Variants in CDH23 observed in about 807,000 individuals in gnomAD.
CDH23 encodes cadherin-23.
CDH23 carries 189 observed loss-of-function variants against 317.1 expected under a neutral mutation model. That is an observed-to-expected ratio of 0.60 (90% CI 0.53 to 0.67). CDH23 has a LOEUF of 0.67. CDH23 is among the 30% of genes least tolerant of loss of function. The pLI is 0.00. For missense variants in CDH23, 4,401 were observed against 4,592.4 expected, an observed-to-expected ratio of 0.96 and a Z score of 1.20; for synonymous variants, 1,839 against 1,876.8, an observed-to-expected ratio of 0.98 and a Z score of 0.52.
intron 1 of CDH23, among the ~76,000 whole-genome samples, chr10:71,407,423 G>A (rs146447038): frequency 1.3e-5 from 2 of 152,334 alleles, no homozygotes; most frequent in African/African-American, 4.8e-5. Context: ...GGCTGGCTGG[G>A]ATTTAAACAT....
chr10:71,656,430 G>C (rs1190947816), intron 14 of CDH23, among the ~76,000 whole-genome samples: 1 of 152,326 alleles, frequency 6.6e-6, no homozygotes, highest in Admixed American at 6.5e-5. Flanking sequence ...CTGGCACAAA[G>C]GGTGCCCTCC....
At chr10:71,425,320 G>A (rs1463331113) in intron 1 of CDH23, among the ~76,000 whole-genome samples, 1 of 128,230 alleles carries the variant, frequency 7.8e-6, no homozygotes, top group Non-Finnish European at 1.6e-5. Context: ...GGGAAGGAAA[G>A]GAAAGAAAGA....
At chr10:71,550,940 G>A (rs184400704) in intron 6 of CDH23, among the ~76,000 whole-genome samples, 85 of 152,272 alleles carry the variant, frequency 5.6e-4, no homozygotes, top group South Asian at 1.7e-3. Flanking sequence ...AGCCCCCACC[G>A]GCTGCCTCCC....
At chr10:71,675,586 T>G (rs1057483594) in intron 15 of CDH23, among the ~76,000 whole-genome samples, 5 of 152,228 alleles carry the variant, frequency 3.3e-5, no homozygotes, top group Admixed American at 3.3e-4. Flanking sequence ...ACAGAAGAAC[T>G]CAGTGCTAGG....
At chr10:71,683,897 G>A (rs1304518182) in intron 18 of CDH23, among the ~76,000 whole-genome samples, 4 of 152,118 alleles carry the variant, frequency 2.6e-5, no homozygotes, top group East Asian at 1.9e-4. Context: ...CCTGACCAAC[G>A]TGGTGAAACT....
chr10:71,782,824 A>G (rs1290933079), intron 41 of CDH23, among the ~76,000 whole-genome samples: 2 of 152,112 alleles, frequency 1.3e-5, no homozygotes, highest in Non-Finnish European at 2.9e-5. Flanking sequence ...AGCAGCTTCC[A>G]CCCCCCAGGC....
intron 6 of CDH23, among the ~76,000 whole-genome samples, chr10:71,556,190 T>A (rs1015405517): frequency 3.9e-5 from 6 of 152,248 alleles, no homozygotes; most frequent in Admixed American, 3.9e-4. Flanking sequence ...ATCATGATGG[T>A]CAAGGCTTGG....
intron 11 of CDH23, among the ~76,000 whole-genome samples, chr10:71,637,886 C>A (rs2132570661): frequency 6.7e-6 from 1 of 149,056 alleles, no homozygotes; most frequent in East Asian, 2.0e-4. Flanking sequence ...TGCTGTGGCT[C>A]CTGAGGCCAC....
intron 11 of CDH23, among the ~76,000 whole-genome samples, chr10:71,636,834 G>A (rs910515149): frequency 2.6e-5 from 4 of 152,192 alleles, no homozygotes; most frequent in South Asian, 2.1e-4. Flanking sequence ...CATGAGTGGC[G>A]GGGCAGGCCT....
intron 6 of CDH23, among the ~76,000 whole-genome samples, chr10:71,525,680 T>C (rs1019582843): frequency 1.3e-5 from 2 of 152,036 alleles, no homozygotes; most frequent in African/African-American, 4.8e-5. Flanking sequence ...GGGGTGCTGG[T>C]GGTGCTACAT....
chr10:71,770,236 T>G (rs1217769036), intron 38 of CDH23, among the ~76,000 whole-genome samples: 1 of 152,188 alleles, frequency 6.6e-6, no homozygotes, highest in East Asian at 1.9e-4. Context: ...AGGAGCCGGG[T>G]GCTGTGTTAA....
Position 71,801,871 on chromosome 10 carries a change from G to A in CDH23, c.7483-1027G>A, listed in dbSNP as rs985644223. Among the ~76,000 whole-genome samples, 6 of 152,344 alleles carry A rather than the reference G, an allele frequency of 3.9e-5. No homozygotes were observed. In the South Asian group the frequency reaches 1.2e-3, roughly 32 times the overall value. On this transcript the variant is annotated intron_variant, in intron 53 of 69. Coordinates refer to ENST00000224721, the MANE Select transcript of CDH23 (RefSeq NM_022124.6). ...CAGCATTTGGGGCCAGAAGACTCAA[G>A]TTCCATGAGCTGAGCACACTGCCTT...
rs756231829 is a variant in CDH23, at chr10:71,738,537, C to T, written c.4249C>T (p.Arg1417Trp). 5.1e-5 allele frequency: 82 copies of T among 1,613,976 alleles called. 1 individual carries two copies. The East Asian group carries it at 1.1e-3, about 22-fold the overall frequency. ...GCTGGACGAGAATGACAACAGCCCC[C>T]GGTTTGACTTCACCTCCGACTCGGC... ...TVLDENDNSP[R>W]FDFTSDSAVS... Residue 1417 changes from arginine (R) to tryptophan (W), a missense_variant, in exon 35 of 70, where the codon CGG (arginine) becomes TGG (tryptophan). Physicochemically the swap from Arg to Trp is moderately radical, Grantham distance 101 (BLOSUM62 -3). Coordinates refer to ENST00000224721, the MANE Select transcript of CDH23 (RefSeq NM_022124.6).
At chr10:71,402,706 AGTGTGTGTGTGTGT>A (rs61127679) in intron 1 of CDH23, among the ~76,000 whole-genome samples, 73 of 148,822 alleles carry the variant, frequency 4.9e-4, no homozygotes, top group African/African-American at 6.2e-4. Flanking sequence ...ATTCTTCCTG[AGTGTGTGTGTGTGT>A]GTGTGTGTGT....
At chr10:71,785,839 C>A in intron 44 of CDH23, 101 bp downstream of exon 44, 1 of 792,622 alleles carries the variant, frequency 1.3e-6, no homozygotes, top group Non-Finnish European at 2.2e-6. Context: ...GGCTTAGATG[C>A]ACAGGCTTTG....
chr10:71,518,218 C>A (rs1296636922), intron 6 of CDH23, among the ~76,000 whole-genome samples: 1 of 152,194 alleles, frequency 6.6e-6, no homozygotes, highest in African/African-American at 2.4e-5. Flanking sequence ...GAGGCCAAGA[C>A]AAATTCACTG....
intron 1 of CDH23, among the ~76,000 whole-genome samples, chr10:71,411,465 A>G (rs915050990): frequency 2.6e-5 from 4 of 152,120 alleles, no homozygotes; most frequent in African/African-American, 7.2e-5. Context: ...TTCATTGATT[A>G]CACAACCATT....
chr10:71,485,259 T>G (rs563296587), intron 3 of CDH23, among the ~76,000 whole-genome samples: 3 of 152,110 alleles, frequency 2.0e-5, no homozygotes, highest in Admixed American at 6.5e-5. Context: ...TCTCCTGACC[T>G]CGTGATCCAC....
intron 38 of CDH23, among the ~76,000 whole-genome samples, chr10:71,756,832 C>T (rs544206273): frequency 6.6e-6 from 1 of 152,234 alleles, no homozygotes; most frequent in Non-Finnish European, 1.5e-5. Context: ...GTTGCCTTTC[C>T]GCTATTTGTT....
Sources: allele counts gnomAD v4.1 joint callset (sites outside exome capture counted in the v4.1 genomes callset), GRCh38; gene constraint gnomAD v4.1.1; transcripts MANE v1.5; gene names NCBI Gene and HGNC (gene_info 2026-07-23, HGNC 2026-07-21).